GPC1: variants seen among roughly 807,000 people sequenced by gnomAD.
The protein encoded by GPC1 is glypican 1.
GPC1 carries 26 observed loss-of-function variants against 51.5 expected under a neutral mutation model. That is an observed-to-expected ratio of 0.50 (90% CI 0.37 to 0.70). GPC1 has a LOEUF of 0.70. Among genes scored for constraint, GPC1 ranks in the 30% least tolerant of loss-of-function variants. GPC1 has a pLI of 0.00. For synonymous variants in GPC1, 380 were observed against 348.3 expected (o/e 1.09, Z -1.01); for missense variants, 775 against 800.5 (o/e 0.97, Z 0.38).
chr2:240,453,726 G>A lies in GPC1; in HGVS notation c.167-5304G>A, dbSNP rs2074128531. Among the ~76,000 whole-genome samples, 4 of 151,308 alleles carry A rather than the reference G, an allele frequency of 2.6e-5. No homozygotes were observed. The South Asian group carries it at 8.3e-4, about 31-fold the overall frequency. On this transcript the variant is annotated intron_variant, in intron 1 of 8. Coordinates refer to ENST00000264039, the MANE Select transcript of GPC1 (RefSeq NM_002081.3). ...GGCCGCCGGCGCTGCTGCGTGTCCA[G>A]ACCCCTGCGCACCCGCTCCGGCTGC...
chr2:240,456,672 A>G (rs2074167558), intron 1 of GPC1: 1 of 469,366 alleles, frequency 2.1e-6, no homozygotes, highest in South Asian at 1.6e-5. Context: ...ATCACAGCCC[A>G]CACCCTCGGA....
chr2:240,442,285 C>T (rs2074022542), intron 1 of GPC1: 1 of 151,854 alleles, frequency 6.6e-6, no homozygotes, highest in Non-Finnish European at 1.5e-5. Flanking sequence ...CCCCGAGTCC[C>T]TCCCGGTACC....
intron 1 of GPC1, among the ~76,000 whole-genome samples, chr2:240,455,246 C>A (rs138112303): frequency 1.3e-5 from 2 of 152,126 alleles, no homozygotes; most frequent in African/African-American, 2.4e-5. Flanking sequence ...CCCTTCCCCC[C>A]CAAAAAAATC....
In GPC1 at chr2:240,466,324, C is replaced by A; in HGVS notation, c.*34C>A. 2 of 1,185,126 alleles carry A rather than the reference C, an allele frequency of 1.7e-6. No individual in the cohort carries two copies. The highest frequency in any genetic ancestry group is 1.3e-6 in the Non-Finnish European group (1 of 795,444). 73.4% of individuals were successfully genotyped at this position (1,185,126 alleles called of 1,614,324 possible). The stretch of plus-strand genomic sequence containing the variant: ...AGGCCCCAGGGACAGAGGCCAAGGA[C>A]TGACTTTGCCAAAAATACAACACAG... On this transcript the variant is annotated 3_prime_UTR_variant, in exon 9 of 9. Coordinates refer to ENST00000264039, the MANE Select transcript of GPC1 (RefSeq NM_002081.3).
chr2:240,453,916 G>A (rs753425491), intron 1 of GPC1, among the ~76,000 whole-genome samples: 20 of 152,318 alleles, frequency 1.3e-4, no homozygotes, highest in Middle Eastern at 3.4e-3. Flanking sequence ...GGTGACAGGA[G>A]CCTTAGCCGG....
intron 1 of GPC1, chr2:240,457,447 T>A (rs768653222): frequency 3.6e-5 from 17 of 470,748 alleles, no homozygotes; most frequent in South Asian, 2.6e-4. Context: ...AAACTCAGTC[T>A]GACCCAGGCA....
At chr2:240,460,325 G>T (rs980325565) in intron 2 of GPC1, among the ~76,000 whole-genome samples, 1 of 152,048 alleles carries the variant, frequency 6.6e-6, no homozygotes, top group Non-Finnish European at 1.5e-5. Context: ...AGCTGGACCC[G>T]GGGAGCGAGC....
chr2:240,445,679 AAG>A (rs914103333), intron 1 of GPC1, among the ~76,000 whole-genome samples: 1 of 152,158 alleles, frequency 6.6e-6, no homozygotes, highest in African/African-American at 2.4e-5. Flanking sequence ...TTGGCTGAGA[AAG>A]AGATTACATC....
At chr2:240,447,935 C>T (rs986536428) in intron 1 of GPC1, among the ~76,000 whole-genome samples, 1 of 152,124 alleles carries the variant, frequency 6.6e-6, no homozygotes, top group Admixed American at 6.5e-5. Flanking sequence ...TCACCCTGAG[C>T]GCTCACAGCA....
rs1449411451 is a variant in GPC1 at position 240,466,304 on chromosome 2, C to T, written c.*14C>T. The T allele has an allele frequency of 1.4e-6, 2 of 1,411,052 alleles. No homozygotes were observed. The highest frequency in any genetic ancestry group is 1.4e-5 in the African/African-American group (1 of 71,264). 87.4% of individuals were successfully genotyped at this position (1,411,052 alleles called of 1,614,324 possible). A position where few individuals can be genotyped will look rare whatever the true frequency, so the allele number is the denominator to read the frequency against. On this transcript the variant is annotated 3_prime_UTR_variant, in exon 9 of 9. Coordinates refer to ENST00000264039, the MANE Select transcript of GPC1 (RefSeq NM_002081.3). The stretch of plus-strand genomic sequence containing the variant: ...CGGTGGCGGTAACTGCCCCAAGGCC[C>T]CAGGGACAGAGGCCAAGGACTGACT...
At chr2:240,453,640 C>G (rs2074127040) in intron 1 of GPC1, among the ~76,000 whole-genome samples, 4 of 147,818 alleles carry the variant, frequency 2.7e-5, no homozygotes, top group Admixed American at 2.7e-4. Context: ...GCAGCCCCCT[C>G]TCCCCGCCCG....
At chr2:240,453,633 G>GT (rs1362442301) in intron 1 of GPC1, among the ~76,000 whole-genome samples, 1 of 131,100 alleles carries the variant, frequency 7.6e-6, no homozygotes, top group African/African-American at 2.8e-5. Flanking sequence ...GCCCGCCGCA[G>GT]CCCCCTCTCC....
At chr2:240,444,864 A>G (rs1482687283) in intron 1 of GPC1, among the ~76,000 whole-genome samples, 2 of 152,098 alleles carry the variant, frequency 1.3e-5, no homozygotes, top group African/African-American at 4.8e-5. Context: ...CTCCTCAAGA[A>G]CCGGGGCCAG....
In GPC1 at chr2:240,463,446, C is replaced by T. The variant is rs1559202926; in HGVS notation, c.817C>T (p.Arg273Ter). Residue 273 changes from arginine to a stop codon, truncating the protein, a stop_gained, in exon 4 of 9, where the codon CGA becomes TGA. Coordinates refer to ENST00000264039, the MANE Select transcript of GPC1 (RefSeq NM_002081.3). LOFTEE classifies it high-confidence loss of function. Reference sequence around the variant, plus strand: ...CGCCAGGCCCTGCCCTGACTATTGCCGAAATGTGCTCAAGGGCTGCCTTGC... The same window carrying T: ...CGCCAGGCCCTGCCCTGACTATTGCTGAAATGTGCTCAAGGGCTGCCTTGC... ...PGARPCPDYC[R>*]NVLKGCLANQ... 13 of 1,612,904 alleles carry T rather than the reference C, an allele frequency of 8.1e-6. No homozygotes were observed. Among genetic ancestry groups the T allele is most frequent in the Non-Finnish European group, 1.1e-5 (13 of 1,179,932 alleles).
intron 1 of GPC1, among the ~76,000 whole-genome samples, chr2:240,446,869 C>T (rs115268415): frequency 0.023 from 3,428 of 152,266 alleles, 60 homozygotes; most frequent in South Asian, 0.068. Flanking sequence ...GGTGGGCAGC[C>T]CCTGGGCAGT....
chr2:240,448,663 A>G lies in GPC1; in HGVS notation c.167-10367A>G, dbSNP rs2074069581. Among the ~76,000 whole-genome samples the G allele has an allele frequency of 6.6e-6, 1 of 150,922 alleles. No homozygotes were observed. Among genetic ancestry groups the G allele is most frequent in the Non-Finnish European group, 1.5e-5 (1 of 67,898 alleles). On this transcript the variant is annotated intron_variant, in intron 1 of 8. Coordinates refer to ENST00000264039, the MANE Select transcript of GPC1 (RefSeq NM_002081.3). The surrounding 1 kb of genome is among the most constrained non-coding windows in gnomAD (Gnocchi z 4.5). ...GGGGAGGCGATCAGGCAGGCACATG[A>G]CAGGACCACCTGCTCAGAGTCTCCC...
At chr2:240,441,882 G>A (rs1250058645) in intron 1 of GPC1, among the ~76,000 whole-genome samples, 1 of 152,220 alleles carries the variant, frequency 6.6e-6, no homozygotes, top group African/African-American at 2.4e-5. Context: ...ATGCTGAGGA[G>A]CAGGGCCCAG....
chr2:240,463,229 G>A (rs952435373), intron 3 of GPC1, 118 bp from the exon 4 acceptor site: 1 of 816,772 alleles, frequency 1.2e-6, no homozygotes, highest in East Asian at 2.5e-5. Context: ...CTGGGGCAGA[G>A]CAGAGGCCTC....
chr2:240,462,804 C>T (rs2074228124), intron 3 of GPC1, among the ~76,000 whole-genome samples: 1 of 152,214 alleles, frequency 6.6e-6, no homozygotes, highest in Admixed American at 6.5e-5. Flanking sequence ...CGGCTCTGGG[C>T]TGGCCCATCC....
Sources: gnomAD v4.1 joint callset for allele counts (sites outside exome capture counted in the v4.1 genomes callset) on GRCh38, gnomAD v4.1.1 for gene constraint, Gnocchi (gnomAD v3.1) non-coding constraint, MANE v1.5 for transcripts, NCBI Gene and HGNC (gene_info 2026-07-23, HGNC 2026-07-21) for gene names.